Variants in GABRG1 observed in about 807,000 individuals in gnomAD.
GABRG1 encodes the protein gamma-aminobutyric acid receptor subunit gamma-1.
GABRG1 carries 49 observed loss-of-function variants against 49.8 expected under a neutral mutation model. The ratio of observed to expected loss-of-function variants is 0.98; its 90% confidence interval spans 0.78 to 1.25. GABRG1 has a LOEUF of 1.25. Among genes scored for constraint, GABRG1 ranks in the 50% most tolerant of loss-of-function variants. GABRG1 has a pLI of 0.00. For synonymous variants in GABRG1, 232 were observed against 185.1 expected (o/e 1.25, Z -2.06); for missense variants, 552 against 552.3 (o/e 1.00, Z 0.01).
rs1244064391 is a variant in GABRG1, at chr4:46,117,598, C to CTTTG, written c.104+6211_104+6212insCAAA. ...TCTCTCTCTGTCTCTCTTTGTCTCT[C>CTTTG]TCTCTCTCTCTCTCTATATATATAT... On this transcript the variant is annotated intron_variant, in intron 1 of 8. Transcript: ENST00000295452. Among the ~76,000 whole-genome samples the CTTTG allele has an allele frequency of 1.3e-3, 166 of 130,952 alleles. 1 individual carries two copies. The highest frequency in any genetic ancestry group is 4.4e-3 in the African/African-American group (144 of 32,656). 85.9% of individuals were successfully genotyped at this position (130,952 alleles called of 152,430 possible).
intron 1 of GABRG1, among the ~76,000 whole-genome samples, chr4:46,117,672 GTA>G (rs1322386506): frequency 8.7e-5 from 12 of 137,472 alleles, no homozygotes; most frequent in Admixed American, 2.2e-4. Flanking sequence ...GTATATAGCT[GTA>G]TATATATACA....
At chr4:46,120,779 T>G (rs935928176) in intron 1 of GABRG1, among the ~76,000 whole-genome samples, 1 of 151,830 alleles carries the variant, frequency 6.6e-6, no homozygotes, top group African/African-American at 2.4e-5. Flanking sequence ...GTATGATTAT[T>G]GACTCATGGA....
At chr4:46,082,414 T>C (rs1198605675) in intron 3 of GABRG1, among the ~76,000 whole-genome samples, 1 of 151,746 alleles carries the variant, frequency 6.6e-6, no homozygotes, top group Non-Finnish European at 1.5e-5. Flanking sequence ...GTTTATAAAA[T>C]TAAATCTACA....
At chr4:46,122,935 C>T (rs1454439137) in intron 1 of GABRG1, among the ~76,000 whole-genome samples, 3 of 152,044 alleles carry the variant, frequency 2.0e-5, no homozygotes, top group Non-Finnish European at 4.4e-5. Flanking sequence ...TCACCCACTA[C>T]TCCTACGTAT....
chr4:46,071,398 T>C (rs1204058313), intron 3 of GABRG1, among the ~76,000 whole-genome samples: 3 of 149,722 alleles, frequency 2.0e-5, no homozygotes, highest in Non-Finnish European at 4.4e-5. Context: ...GCATAATAAA[T>C]ACATAAATGA....
intron 1 of GABRG1, among the ~76,000 whole-genome samples, chr4:46,114,787 T>C (rs941596738): frequency 1.7e-4 from 25 of 151,084 alleles, no homozygotes; most frequent in African/African-American, 5.8e-4. Flanking sequence ...ATAAAGCTAA[T>C]TTAAAAAACA....
intron 3 of GABRG1, among the ~76,000 whole-genome samples, chr4:46,074,713 C>T (rs1719260193): frequency 6.6e-6 from 1 of 152,082 alleles, no homozygotes; most frequent in African/African-American, 2.4e-5. Flanking sequence ...CAAACCTTTA[C>T]TACATTGTTT....
rs565048339 is a variant in GABRG1, at chr4:46,118,444, T to C, written c.104+5366A>G. The stretch of plus-strand genomic sequence containing the variant: ...AATTCTGAGTAGCAATTACAGCATT[T>C]TATTGTGTTTACTTGTTTATGTTAA... On this transcript the variant is annotated intron_variant, in intron 1 of 8. Coordinates refer to ENST00000295452, the MANE Select transcript of GABRG1 (RefSeq NM_173536.4). Among the ~76,000 whole-genome samples the C allele has an allele frequency of 7.9e-5, 12 of 151,038 alleles. No homozygotes were observed. The East Asian group carries it at 2.3e-3, about 29-fold the overall frequency.
chr4:46,057,047 A>C (rs1277216500), intron 7 of GABRG1, among the ~76,000 whole-genome samples: 1 of 152,152 alleles, frequency 6.6e-6, no homozygotes, highest in Non-Finnish European at 1.5e-5. Context: ...ACTAATTTAC[A>C]TTCCCAGAAA....
At chr4:46,111,474 T>C (rs1191199505) in intron 1 of GABRG1, among the ~76,000 whole-genome samples, 2 of 150,910 alleles carry the variant, frequency 1.3e-5, no homozygotes, top group Non-Finnish European at 3.0e-5. Context: ...GAGTTTTCCA[T>C]AGAACTAGGA....
intron 2 of GABRG1, among the ~76,000 whole-genome samples, chr4:46,088,587 T>C (rs1436716634): frequency 1.3e-5 from 2 of 152,032 alleles, no homozygotes; most frequent in Non-Finnish European, 2.9e-5. Context: ...GCAGTCATTC[T>C]GTGTATAAAT....
In GABRG1 at chr4:46,058,653, A is replaced by G. The variant is rs773359521; in HGVS notation, c.626-31T>C. 3.8e-6 allele frequency: 6 copies of G among 1,571,018 alleles called. No individual in the cohort carries two copies. The East Asian group carries it at 1.1e-4, about 29-fold the overall frequency. On this transcript the variant is annotated intron_variant, in intron 5 of 8. Transcript: ENST00000295452. Reference sequence around the variant, plus strand: ...GAGAAAAAATACATAGATTAGCAAGATCCAAATTTGATACCATTGCAATGC... The same window carrying G: ...GAGAAAAAATACATAGATTAGCAAGGTCCAAATTTGATACCATTGCAATGC...
At position 46,038,972 on chromosome 4, in the gene GABRG1, A is replaced by G. The variant is rs998388382; in HGVS notation, c.*2016T>C. On this transcript the variant is annotated 3_prime_UTR_variant, in exon 9 of 9. Coordinates refer to ENST00000295452, the MANE Select transcript of GABRG1 (RefSeq NM_173536.4). ...AAAGCTATTTATATCAAGCACTTTT[A>G]AGTATTTTAAAATACAGTCATGCTC... 1 of 151,730 alleles carries G rather than the reference A, an allele frequency of 6.6e-6. No individual in the cohort carries two copies. The allele number at this position is 151,730 out of a possible 1,614,324, so 9.4% of individuals were successfully genotyped here.
Position 46,038,387 on chromosome 4 carries a change from A to AT in GABRG1, c.*2600dup, listed in dbSNP as rs1305112686. 6.6e-6 allele frequency: 1 copy of AT among 151,598 alleles called. No homozygotes were observed. Among genetic ancestry groups the AT allele is most frequent in the African/African-American group, 2.4e-5 (1 of 41,378 alleles). 9.4% of individuals were successfully genotyped at this position (151,598 alleles called of 1,614,324 possible). A position where few individuals can be genotyped will look rare whatever the true frequency, so the allele number is the denominator to read the frequency against. ...AGAGGATAGGTCTATATAAACAAAC[A>AT]TTTTTACAAATGATCTTATTCCTTG... On this transcript the variant is annotated 3_prime_UTR_variant, in exon 9 of 9. Transcript: ENST00000295452.
At chr4:46,108,054 A>G (rs889041717) in intron 1 of GABRG1, among the ~76,000 whole-genome samples, 9 of 151,258 alleles carry the variant, frequency 6.0e-5, no homozygotes, top group Non-Finnish European at 1.2e-4. Context: ...TGTCAGAAGG[A>G]ACATTAGAAA....
At chr4:46,045,757 G>A (rs6828686) in intron 8 of GABRG1, among the ~76,000 whole-genome samples, 76,591 of 151,738 alleles carry the variant, frequency 0.5, 19,887 homozygotes, top group African/African-American at 0.62. Context: ...TTGTAGAGAC[G>A]GGTTTCACCA....
intron 1 of GABRG1, among the ~76,000 whole-genome samples, chr4:46,123,201 A>T (rs1193346284): frequency 8.4e-5 from 10 of 119,396 alleles, no homozygotes; most frequent in South Asian, 2.1e-4. Context: ...AGCCAATTTT[A>T]AAAAAAAACA....
rs1279770203 is a variant in GABRG1, at chr4:46,075,940, T to C, written c.321+8046A>G. 2.0e-5 allele frequency among the ~76,000 whole-genome samples: 3 copies of C among 151,660 alleles called. No individual in the cohort carries two copies. In the East Asian group the frequency reaches 5.8e-4, roughly 30 times the overall value. ...ATGTAGTGTGTGGAATGAGAGACAA[T>C]GGAGATTCAGGAGGGTGGAGTGGCA... On this transcript the variant is annotated intron_variant, in intron 3 of 8. Transcript: ENST00000295452.
At chr4:46,079,620 T>C (rs1719490254) in intron 3 of GABRG1, among the ~76,000 whole-genome samples, 1 of 151,932 alleles carries the variant, frequency 6.6e-6, no homozygotes, top group Non-Finnish European at 1.5e-5. Flanking sequence ...ACAATTAAAT[T>C]CATGTCCAAA....
Sources: gnomAD v4.1 joint callset for allele counts (sites outside exome capture counted in the v4.1 genomes callset) on GRCh38, gnomAD v4.1.1 for gene constraint, MANE v1.5 for transcripts, NCBI Gene and HGNC (gene_info 2026-07-23, HGNC 2026-07-21) for gene names.